DGLUCY: variants seen among roughly 807,000 people sequenced by gnomAD.
DGLUCY encodes the protein D-glutamate cyclase, mitochondrial.
In DGLUCY, 58 loss-of-function variants were observed where a neutral mutation model predicts 58.5. The ratio of observed to expected loss-of-function variants is 0.99; its 90% CI spans 0.80 to 1.23. The LOEUF (loss-of-function observed/expected upper bound fraction) is 1.23. DGLUCY is among the 50% of genes most tolerant of loss of function. DGLUCY has a pLI of 0.00. For synonymous variants in DGLUCY, 325 were observed against 314.1 expected (o/e 1.03, Z -0.37); for missense variants, 779 against 784.7 (o/e 0.99, Z 0.09).
intron 1 of DGLUCY, among the ~76,000 whole-genome samples, chr14:91,070,440 A>G (rs555869704): frequency 3.3e-5 from 5 of 152,196 alleles, no homozygotes; most frequent in African/African-American, 4.8e-5. Flanking sequence ...GATTGCCTCA[A>G]AGTCCTTCTT....
intron 7 of DGLUCY, among the ~76,000 whole-genome samples, chr14:91,179,577 C>G (rs1332830760): frequency 6.6e-6 from 1 of 151,938 alleles, no homozygotes; most frequent in Non-Finnish European, 1.5e-5. Context: ...ATGGCAAAAC[C>G]CTGTCTCTAC....
At chr14:91,069,266 C>T (rs963441096) in intron 1 of DGLUCY, among the ~76,000 whole-genome samples, 1 of 151,956 alleles carries the variant, frequency 6.6e-6, no homozygotes, top group South Asian at 2.1e-4. Flanking sequence ...GTTTTCGTTG[C>T]ACTTATTTAT....
chr14:91,112,186 T>C (rs527692029), upstream of DGLUCY, among the ~76,000 whole-genome samples: 3 of 151,828 alleles, frequency 2.0e-5, no homozygotes, highest in East Asian at 3.9e-4. Flanking sequence ...GAGGCGAAGA[T>C]TGCGGTGAGC....
intron 1 of DGLUCY, among the ~76,000 whole-genome samples, chr14:91,077,352 GAGAA>G (rs2044038624): frequency 6.7e-6 from 1 of 149,590 alleles, no homozygotes; most frequent in Non-Finnish European, 1.5e-5. Flanking sequence ...AAAAGAAAGG[GAGAA>G]GGAAGGGAGG....
chr14:91,191,864 G>A lies in DGLUCY; in HGVS notation c.1195+2694G>A, dbSNP rs1370262607. ...GCTGTGAACTGAGATGGGGAAGACT[G>A]GCAGGTTTAGGGGTAAATCAAGAGT... On this transcript the variant is annotated intron_variant, in intron 9 of 13. Transcript: ENST00000256324. Among the ~76,000 whole-genome samples the A allele has an allele frequency of 3.3e-5, 5 of 152,170 alleles. No individual in the cohort carries two copies. The East Asian group carries it at 9.6e-4, about 29-fold the overall frequency.
intron 1 of DGLUCY, among the ~76,000 whole-genome samples, chr14:91,147,395 G>T (rs1329691186): frequency 6.6e-6 from 1 of 152,154 alleles, no homozygotes; most frequent in Non-Finnish European, 1.5e-5. Context: ...TGATATGGTG[G>T]TTTTCAGTTT....
intron 8 of DGLUCY, among the ~76,000 whole-genome samples, chr14:91,184,629 A>AGGG (rs1566990744): frequency 2.6e-5 from 2 of 78,266 alleles, no homozygotes; most frequent in African/African-American, 1.3e-4. Context: ...GGAAGGAAGG[A>AGGG]AGGAAGGGAG....
Position 91,170,078 on chromosome 14 carries a change from G to A in DGLUCY, c.333G>A (p.Ser111=), listed in dbSNP as rs748016529. The stretch of plus-strand genomic sequence containing the variant: ...GCCTGGCTTCGCTGGAGCAGTACTC[G>A]GAGCAGCTGAAGGACATGGTGGCCT... ...TGSLASLEQY[S]EQLKDMVAFF... is the part of the protein sequence containing the mutation. Residue 111 remains serine (S), a synonymous_variant, in exon 5 of 14, where the codon TCG becomes TCA. Coordinates refer to ENST00000256324, the MANE Select transcript of DGLUCY (RefSeq NM_001102368.3). The A allele has an allele frequency of 2.5e-6, 4 of 1,612,542 alleles. No homozygotes were observed. Among genetic ancestry groups the A allele is most frequent in the Non-Finnish European group, 3.4e-6 (4 of 1,180,030 alleles).
At chr14:91,209,632 C>T (rs768890062) in intron 12 of DGLUCY, among the ~76,000 whole-genome samples, 1 of 151,678 alleles carries the variant, frequency 6.6e-6, no homozygotes, top group Non-Finnish European at 1.5e-5. Context: ...CGCTTTAACC[C>T]GGGAGGCGGA....
chr14:91,123,992 A>G (rs937331011), intron 1 of DGLUCY, among the ~76,000 whole-genome samples: 24 of 149,988 alleles, frequency 1.6e-4, no homozygotes, highest in East Asian at 9.7e-4. Flanking sequence ...CAGTGGTGCA[A>G]TCTTGGCTTA....
intron 1 of DGLUCY, among the ~76,000 whole-genome samples, chr14:91,117,843 G>A (rs1425553567): frequency 2.0e-5 from 3 of 152,148 alleles, no homozygotes; most frequent in Admixed American, 6.5e-5. Context: ...GTACACATTG[G>A]TTTGATTGAT....
intron 1 of DGLUCY, among the ~76,000 whole-genome samples, chr14:91,083,508 G>A (rs1368202510): frequency 1.6e-4 from 23 of 141,938 alleles, no homozygotes; most frequent in Non-Finnish European, 3.5e-4. Context: ...GGGTGACAGA[G>A]AGAGATTCCG....
chr14:91,192,758 C>T (rs1053577703), intron 9 of DGLUCY, among the ~76,000 whole-genome samples: 2 of 152,086 alleles, frequency 1.3e-5, no homozygotes, highest in African/African-American at 2.4e-5. Flanking sequence ...TAGCCAAGAT[C>T]GCACCAATGC....
At chr14:91,167,454 G>T (rs1283312928) in intron 4 of DGLUCY, 76 bp downstream of exon 4, 8 of 1,581,150 alleles carry the variant, frequency 5.1e-6, no homozygotes, top group South Asian at 1.1e-5. Context: ...TGTCATCCGG[G>T]ACCTCTCTGT....
chr14:91,202,739 G>A (rs919018844), intron 11 of DGLUCY, among the ~76,000 whole-genome samples: 2 of 152,190 alleles, frequency 1.3e-5, no homozygotes, highest in African/African-American at 2.4e-5. Flanking sequence ...TCCCACACCC[G>A]CAATGGGACC....
At chr14:91,087,214 A>C (rs1463645853) in intron 1 of DGLUCY, among the ~76,000 whole-genome samples, 2 of 152,236 alleles carry the variant, frequency 1.3e-5, no homozygotes, top group Non-Finnish European at 2.9e-5. Context: ...CTCTGTGCCT[A>C]GAATCGAATC....
At chr14:91,115,277 AAG>A (rs1375796714) in intron 1 of DGLUCY, 1 of 152,834 alleles carries the variant, frequency 6.5e-6, no homozygotes, top group Non-Finnish European at 1.5e-5. Flanking sequence ...AGGAAGAAGA[AAG>A]AAAGCTGACT....
rs367852852 is a variant in DGLUCY at position 91,216,759 on chromosome 14, G to C, written c.1716+1203G>C. On this transcript the variant is annotated intron_variant, in intron 13 of 13. Coordinates refer to ENST00000256324, the MANE Select transcript of DGLUCY (RefSeq NM_001102368.3). Reference sequence around the variant, plus strand: ...TGAGAGGCAGCAGCAGGTAACTTTTGTCTGAGCTCCTCCGACTGCAGACCC... The same window carrying C: ...TGAGAGGCAGCAGCAGGTAACTTTTCTCTGAGCTCCTCCGACTGCAGACCC... Among the ~76,000 whole-genome samples the C allele has an allele frequency of 3.3e-5, 5 of 152,192 alleles. No homozygotes were observed. In the East Asian group the frequency reaches 9.7e-4, roughly 29 times the overall value.
chr14:91,220,401 A>C (rs989808069), intron 13 of DGLUCY: 1 of 437,836 alleles, frequency 2.3e-6, no homozygotes, highest in Non-Finnish European at 4.6e-6. Context: ...CATCATCATC[A>C]TCATCCTTCT....
Sources: gnomAD v4.1 joint callset for allele counts (sites outside exome capture counted in the v4.1 genomes callset) on GRCh38, gnomAD v4.1.1 for gene constraint, MANE v1.5 for transcripts, NCBI Gene and HGNC (gene_info 2026-07-23, HGNC 2026-07-21) for gene names.